The following WWOX variants were observed in gnomAD, a reference collection of about 807,000 sequenced individuals.
WWOX encodes the protein WW domain-containing oxidoreductase.
WWOX carries 69 observed loss-of-function variants against 46.2 expected under a neutral mutation model. That is an observed-to-expected ratio of 1.49 (90% CI 1.23 to 1.82). The LOEUF (loss-of-function observed/expected upper bound fraction) is 1.82. Among genes scored for constraint, WWOX ranks in the 40% most tolerant of loss-of-function variants. The pLI is 0.00. For synonymous variants in WWOX, 359 were observed against 202.6 expected (o/e 1.77, Z -6.56); for missense variants, 919 against 542.6 (o/e 1.69, Z -6.89).
chr16:78,636,302 CAG>C, intron 8 of WWOX, among the ~76,000 whole-genome samples: 1 of 152,256 alleles, frequency 6.6e-6, no homozygotes, highest in East Asian at 1.9e-4. Flanking sequence ...CCAGACACCT[CAG>C]AGACATCACA....
chr16:78,683,399 G>A (rs1279835325), intron 8 of WWOX, among the ~76,000 whole-genome samples: 2 of 151,680 alleles, frequency 1.3e-5, no homozygotes, highest in Non-Finnish European at 2.9e-5. Context: ...AAAAATTTAG[G>A]CGTGGTGGTG....
At chr16:79,171,822 G>A (rs370941522) in intron 8 of WWOX, among the ~76,000 whole-genome samples, 11 of 151,838 alleles carry the variant, frequency 7.2e-5, no homozygotes, top group African/African-American at 2.2e-4. Context: ...ATCAATCTTC[G>A]GAATCCTTTT....
At chr16:78,659,916 G>T (rs12929711) in intron 8 of WWOX, among the ~76,000 whole-genome samples, 10 of 151,942 alleles carry the variant, frequency 6.6e-5, no homozygotes, top group African/African-American at 2.2e-4. Context: ...CTCATCCCAA[G>T]GGCTGTCACC....
intron 8 of WWOX, among the ~76,000 whole-genome samples, chr16:78,932,860 C>T (rs1467400272): frequency 1.3e-5 from 2 of 152,162 alleles, no homozygotes; most frequent in Admixed American, 6.5e-5. Flanking sequence ...TCATCTGGCC[C>T]AGCACCCTTG....
chr16:78,118,925 C>T (rs907466521), intron 4 of WWOX: 2 of 152,114 alleles, frequency 1.3e-5, no homozygotes, highest in African/African-American at 4.8e-5. Flanking sequence ...GAAACTAACA[C>T]TCTTCTCTCC....
intron 8 of WWOX, among the ~76,000 whole-genome samples, chr16:79,173,864 TGGG>T (rs771116839): frequency 1.7e-4 from 26 of 152,138 alleles, no homozygotes; most frequent in Non-Finnish European, 3.7e-4. Context: ...GAAAGATGGA[TGGG>T]GGAGAGGACG....
At chr16:78,449,607 G>A (rs1597101216) in intron 8 of WWOX, among the ~76,000 whole-genome samples, 1 of 152,012 alleles carries the variant, frequency 6.6e-6, no homozygotes, top group Non-Finnish European at 1.5e-5. Flanking sequence ...GCATCCTTTC[G>A]TCATCCTTTT....
chr16:78,800,012 C>A (rs1462371639), intron 8 of WWOX, among the ~76,000 whole-genome samples: 1 of 152,180 alleles, frequency 6.6e-6, no homozygotes, highest in Non-Finnish European at 1.5e-5. Context: ...TCTCTCCTTC[C>A]CCATTAAAAT....
At chr16:78,140,693 A>T (rs559522708) in intron 4 of WWOX, among the ~76,000 whole-genome samples, 1 of 152,234 alleles carries the variant, frequency 6.6e-6, no homozygotes, top group Non-Finnish European at 1.5e-5. Context: ...TAAGGGTGAC[A>T]GTTTTACTGG....
intron 8 of WWOX, among the ~76,000 whole-genome samples, chr16:78,484,562 T>C (rs2084583074): frequency 6.6e-6 from 1 of 152,228 alleles, no homozygotes; most frequent in Non-Finnish European, 1.5e-5. Context: ...AATAATCACG[T>C]ATACTTAAGC....
intron 8 of WWOX, among the ~76,000 whole-genome samples, chr16:78,474,725 C>T (rs541407766): frequency 6.6e-6 from 1 of 152,134 alleles, no homozygotes; most frequent in African/African-American, 2.4e-5. Flanking sequence ...TTTTTTACCT[C>T]CCATTCTCCA....
intron 5 of WWOX, among the ~76,000 whole-genome samples, chr16:78,307,960 G>T (rs2080163815): frequency 6.6e-6 from 1 of 152,210 alleles, no homozygotes; most frequent in Non-Finnish European, 1.5e-5. Context: ...ACCAAGCTCA[G>T]ATCCATGTGT....
At chr16:78,428,473 G>A in intron 7 of WWOX, among the ~76,000 whole-genome samples, 1 of 152,168 alleles carries the variant, frequency 6.6e-6, no homozygotes, top group Non-Finnish European at 1.5e-5. Context: ...CACCCTTACA[G>A]GGAAGGGCTC....
intron 5 of WWOX, among the ~76,000 whole-genome samples, chr16:78,232,366 C>T (rs1410683133): frequency 1.3e-5 from 2 of 152,160 alleles, no homozygotes; most frequent in Non-Finnish European, 2.9e-5. Context: ...AATTCTTGTA[C>T]AATTAACTCA....
At chr16:78,559,031 A>T (rs1375589089) in intron 8 of WWOX, among the ~76,000 whole-genome samples, 1 of 152,152 alleles carries the variant, frequency 6.6e-6, no homozygotes, top group African/African-American at 2.4e-5. Flanking sequence ...CGGCATCCAC[A>T]CAAGATCTGG....
At chr16:78,181,287 G>C (rs1302088834) in intron 5 of WWOX, among the ~76,000 whole-genome samples, 1 of 152,284 alleles carries the variant, frequency 6.6e-6, no homozygotes, top group Admixed American at 6.5e-5. Context: ...GTGACGGTGT[G>C]TGTGTGGGGG....
chr16:79,116,046 G>A (rs973788933), intron 8 of WWOX, among the ~76,000 whole-genome samples: 2 of 152,144 alleles, frequency 1.3e-5, no homozygotes, highest in Admixed American at 1.3e-4. Context: ...ACTCTTAAGT[G>A]TACAATAGCA....
intron 8 of WWOX, among the ~76,000 whole-genome samples, chr16:78,496,598 C>G (rs1305139375): frequency 2.0e-5 from 3 of 152,216 alleles, no homozygotes; most frequent in Non-Finnish European, 4.4e-5. Flanking sequence ...TGTCCCATTA[C>G]ACTGCTTTCT....
chr16:79,157,181 CTA>C (rs1411060881), intron 8 of WWOX, among the ~76,000 whole-genome samples: 3 of 152,194 alleles, frequency 2.0e-5, no homozygotes, highest in Non-Finnish European at 4.4e-5. Context: ...GAAATTGTGA[CTA>C]TGAATTCCAA....
Sources: allele counts gnomAD v4.1 joint callset (sites outside exome capture counted in the v4.1 genomes callset), GRCh38; gene constraint gnomAD v4.1.1; transcripts MANE v1.5; gene names NCBI Gene and HGNC (gene_info 2026-07-23, HGNC 2026-07-21).